IGF1R: variants seen among roughly 807,000 people sequenced by gnomAD.
IGF1R encodes insulin like growth factor 1 receptor.
IGF1R carries 44 observed loss-of-function variants against 144.6 expected under a neutral mutation model. The observed-to-expected ratio is 0.30, with a 90% CI of 0.24 to 0.39. The LOEUF is 0.39. Among genes scored for constraint, IGF1R ranks in the 10% least tolerant of loss-of-function variants. The probability of loss-of-function intolerance (pLI) is 1.00; values close to 1 mark genes in which losing one functional copy is unlikely to be tolerated. For synonymous variants in IGF1R, 795 were observed against 722.8 expected (o/e 1.10, Z -1.60); for missense variants, 1,355 against 1,833.7 (o/e 0.74, Z 4.77).
At chr15:98,761,928 C>T (rs1346930035) in intron 2 of IGF1R, among the ~76,000 whole-genome samples, 1 of 152,226 alleles carries the variant, frequency 6.6e-6, no homozygotes, top group African/African-American at 2.4e-5. Context: ...GCAGAGGGCT[C>T]ACTGTTTAGT....
chr15:98,672,011 T>C (rs1456418391), intron 1 of IGF1R, among the ~76,000 whole-genome samples: 1 of 152,228 alleles, frequency 6.6e-6, no homozygotes, highest in Admixed American at 6.5e-5. Flanking sequence ...CTTAGCTTTA[T>C]GGTGTGTATA....
intron 2 of IGF1R, among the ~76,000 whole-genome samples, chr15:98,808,053 C>G (rs906349816): frequency 2.0e-5 from 3 of 152,154 alleles, no homozygotes; most frequent in Non-Finnish European, 2.9e-5. Flanking sequence ...TGAGGACACA[C>G]AGATACCACA....
intron 2 of IGF1R, among the ~76,000 whole-genome samples, chr15:98,865,496 C>T (rs1046463701): frequency 6.6e-6 from 1 of 152,148 alleles, no homozygotes; most frequent in African/African-American, 2.4e-5. Context: ...GCCCCGGCCA[C>T]GCCCACCGTC....
At chr15:98,876,828 A>C (rs1336184712) in intron 2 of IGF1R, among the ~76,000 whole-genome samples, 3 of 152,222 alleles carry the variant, frequency 2.0e-5, no homozygotes, top group Non-Finnish European at 4.4e-5. Context: ...ATTATCTGGG[A>C]TACTCTGTTC....
chr15:98,695,470 C>T (rs549570086), intron 1 of IGF1R, among the ~76,000 whole-genome samples: 2 of 152,220 alleles, frequency 1.3e-5, no homozygotes. Flanking sequence ...GCGGAATTTT[C>T]TACCCCTAGA....
intron 5 of IGF1R, among the ~76,000 whole-genome samples, chr15:98,901,203 C>T (rs557897003): frequency 5.9e-5 from 9 of 152,280 alleles, no homozygotes; most frequent in South Asian, 2.1e-4. Flanking sequence ...CAGGTAAGCC[C>T]GGGCCCCTGG....
At chr15:98,683,269 A>T (rs1240369255) in intron 1 of IGF1R, among the ~76,000 whole-genome samples, 1 of 152,110 alleles carries the variant, frequency 6.6e-6, no homozygotes, top group Admixed American at 6.5e-5. Flanking sequence ...CTTTTCACGG[A>T]TACACCTCCG....
At chr15:98,793,133 G>T (rs547444919) in intron 2 of IGF1R, among the ~76,000 whole-genome samples, 1 of 152,148 alleles carries the variant, frequency 6.6e-6, no homozygotes, top group Admixed American at 6.5e-5. Context: ...CTCTTGCCCC[G>T]ATCATAAAGT....
chr15:98,885,139 A>G (rs2013576165), intron 2 of IGF1R, among the ~76,000 whole-genome samples: 2 of 152,084 alleles, frequency 1.3e-5, no homozygotes, highest in Non-Finnish European at 2.9e-5. Context: ...TTTGCTTGCT[A>G]CTGGCTCATA....
intron 2 of IGF1R, among the ~76,000 whole-genome samples, chr15:98,822,394 G>C (rs1355274834): frequency 6.6e-6 from 1 of 152,202 alleles, no homozygotes; most frequent in Admixed American, 6.5e-5. Context: ...TGTGTGTTTG[G>C]TTAATGTCAC....
intron 2 of IGF1R, among the ~76,000 whole-genome samples, chr15:98,834,883 C>T (rs553209587): frequency 2.7e-4 from 41 of 152,254 alleles, no homozygotes; most frequent in African/African-American, 9.4e-4. Flanking sequence ...CTGCTTAAAC[C>T]GTTGTCAGAG....
intron 1 of IGF1R, among the ~76,000 whole-genome samples, chr15:98,702,220 G>T (rs899123568): frequency 6.6e-6 from 1 of 151,936 alleles, no homozygotes; most frequent in African/African-American, 2.4e-5. Context: ...AATATATATA[G>T]CTTGTATATG....
At chr15:98,888,795 G>T (rs1466079538) in intron 2 of IGF1R, among the ~76,000 whole-genome samples, 2 of 152,206 alleles carry the variant, frequency 1.3e-5, no homozygotes, top group African/African-American at 4.8e-5. Context: ...ATTGAAACAA[G>T]ATAAAAGTGT....
rs529679474 is a variant in IGF1R at position 98,684,341 on chromosome 15, T to C, written c.95-23221T>C. Reference sequence around the variant, plus strand: ...GTTTATCATAATATGCCACCTACTCTGGTTGTGTCTTACAACTGTAGCTCT... The same window carrying C: ...GTTTATCATAATATGCCACCTACTCCGGTTGTGTCTTACAACTGTAGCTCT... On this transcript the variant is annotated intron_variant, in intron 1 of 20. Coordinates refer to ENST00000650285, the MANE Select transcript of IGF1R (RefSeq NM_000875.5). Among the ~76,000 whole-genome samples, 220 of 150,416 alleles carry C rather than the reference T, an allele frequency of 1.5e-3. 1 individual carries two copies. Among genetic ancestry groups the C allele is most frequent in the African/African-American group, 5.0e-3 (204 of 40,986 alleles).
At chr15:98,696,344 C>T (rs2053597596) in intron 1 of IGF1R, among the ~76,000 whole-genome samples, 1 of 152,150 alleles carries the variant, frequency 6.6e-6, no homozygotes, top group South Asian at 2.1e-4. Flanking sequence ...AGAAAGAGAC[C>T]TGTGGCCTCC....
intron 1 of IGF1R, among the ~76,000 whole-genome samples, chr15:98,686,534 C>A (rs1834262778): frequency 6.6e-6 from 1 of 152,202 alleles, no homozygotes; most frequent in Admixed American, 6.5e-5. Context: ...AATTTTTCCA[C>A]ATCTTGCCAA....
chr15:98,749,218 A>G (rs1428123573), intron 2 of IGF1R, among the ~76,000 whole-genome samples: 5 of 149,284 alleles, frequency 3.3e-5, no homozygotes, highest in Non-Finnish European at 7.4e-5. Context: ...ATACCCTTTA[A>G]TTTGCCTATT....
chr15:98,765,090 T>G (rs1268118831), intron 2 of IGF1R, among the ~76,000 whole-genome samples: 1 of 152,158 alleles, frequency 6.6e-6, no homozygotes. Context: ...TCTGGCTTCT[T>G]TCACTTAGCA....
intron 2 of IGF1R, among the ~76,000 whole-genome samples, chr15:98,827,728 G>A (rs1169858587): frequency 2.6e-5 from 4 of 152,054 alleles, no homozygotes; most frequent in Non-Finnish European, 4.4e-5. Context: ...GATTACATGC[G>A]CACGCCACCA....
Sources: allele counts gnomAD v4.1 joint callset (sites outside exome capture counted in the v4.1 genomes callset), GRCh38; gene constraint gnomAD v4.1.1; transcripts MANE v1.5; gene names NCBI Gene and HGNC (gene_info 2026-07-23, HGNC 2026-07-21).